Variants in ATRNL1 observed in about 807,000 individuals in gnomAD.
ATRNL1 encodes the protein attractin like 1.
In ATRNL1, 95 loss-of-function variants were observed where a neutral mutation model predicts 182.7. The ratio of observed to expected loss-of-function variants is 0.52; its 90% CI spans 0.44 to 0.62. ATRNL1 has a LOEUF of 0.62. ATRNL1 is among the 20% of genes least tolerant of loss of function. The probability of loss-of-function intolerance (pLI) is 0.00; values close to 1 mark genes in which losing one functional copy is unlikely to be tolerated. For missense variants in ATRNL1, 1,471 were observed against 1,679.5 expected (o/e 0.88, Z 2.17); for synonymous variants, 576 against 568.3 (o/e 1.01, Z -0.19).
intron 19 of ATRNL1, among the ~76,000 whole-genome samples, chr10:115,382,512 CTT>C (rs1353995489): frequency 2.7e-4 from 41 of 151,768 alleles, no homozygotes; most frequent in African/African-American, 8.9e-4. Context: ...GCACAATAGA[CTT>C]TTATACATTG....
At chr10:115,696,663 G>A (rs1555049860) in intron 26 of ATRNL1, among the ~76,000 whole-genome samples, 1 of 152,050 alleles carries the variant, frequency 6.6e-6, no homozygotes, top group East Asian at 1.9e-4. Context: ...CCACAACCTT[G>A]CTAGCATCTG....
chr10:115,521,664 A>G (rs917458649), intron 25 of ATRNL1, among the ~76,000 whole-genome samples: 1 of 152,192 alleles, frequency 6.6e-6, no homozygotes, highest in Non-Finnish European at 1.5e-5. Flanking sequence ...TGTCTTAGAG[A>G]TGATCCTATT....
intron 5 of ATRNL1, among the ~76,000 whole-genome samples, chr10:115,133,525 C>A (rs1363667698): frequency 6.6e-6 from 1 of 152,118 alleles, no homozygotes; most frequent in African/African-American, 2.4e-5. Flanking sequence ...GCACCCAATA[C>A]AGGAGCACCC....
At chr10:115,550,406 A>G (rs1384564742) in intron 26 of ATRNL1, among the ~76,000 whole-genome samples, 1 of 151,900 alleles carries the variant, frequency 6.6e-6, no homozygotes, top group African/African-American at 2.4e-5. Context: ...TAATATTTAA[A>G]GACATGTAAA....
At chr10:115,131,948 T>C (rs1310619807) in intron 5 of ATRNL1, among the ~76,000 whole-genome samples, 1 of 152,206 alleles carries the variant, frequency 6.6e-6, no homozygotes, top group East Asian at 1.9e-4. Context: ...TTTTTTATTA[T>C]ACTTTAAGTT....
intron 26 of ATRNL1, among the ~76,000 whole-genome samples, chr10:115,685,158 G>A (rs1457029400): frequency 6.6e-6 from 1 of 151,684 alleles, no homozygotes; most frequent in Non-Finnish European, 1.5e-5. Flanking sequence ...TGGTCTAATT[G>A]TGTTGTGATT....
chr10:115,245,615 G>T (rs1850603372), intron 10 of ATRNL1, among the ~76,000 whole-genome samples: 2 of 151,732 alleles, frequency 1.3e-5, no homozygotes, highest in Admixed American at 1.3e-4. Context: ...GATATAGTTT[G>T]GTAAGGCATA....
intron 27 of ATRNL1, among the ~76,000 whole-genome samples, chr10:115,787,084 A>G (rs1949415014): frequency 6.6e-6 from 1 of 152,206 alleles, no homozygotes; most frequent in African/African-American, 2.4e-5. Flanking sequence ...GTGAATTGAT[A>G]TTTAATACAT....
At chr10:115,136,027 T>C (rs568280560) in intron 5 of ATRNL1, among the ~76,000 whole-genome samples, 38 of 137,264 alleles carry the variant, frequency 2.8e-4, no homozygotes, top group African/African-American at 7.0e-4. Flanking sequence ...TCCCAGCTAA[T>C]TAAATTGTTT....
intron 10 of ATRNL1, among the ~76,000 whole-genome samples, chr10:115,244,292 G>A (rs1850538772): frequency 6.6e-6 from 1 of 152,058 alleles, no homozygotes; most frequent in African/African-American, 2.4e-5. Context: ...TACTCTCACA[G>A]TAAATTTTAT....
At chr10:115,699,754 GTGACTGAGGTTTGGGATACCAT>G (rs1946674151) in intron 26 of ATRNL1, among the ~76,000 whole-genome samples, 1 of 152,000 alleles carries the variant, frequency 6.6e-6, no homozygotes, top group Non-Finnish European at 1.5e-5. Context: ...GGTACATTAC[GTGACTGAGGTTTGGGATACCAT>G]TGACCCCGTC....
chr10:115,809,085 C>A (rs1246306720), intron 27 of ATRNL1, among the ~76,000 whole-genome samples: 1 of 151,984 alleles, frequency 6.6e-6, no homozygotes, highest in African/African-American at 2.4e-5. Flanking sequence ...ATTGTTCCAG[C>A]ATTTATTTTG....
intron 3 of ATRNL1, among the ~76,000 whole-genome samples, chr10:115,127,205 A>G (rs1343797964): frequency 9.9e-5 from 15 of 152,144 alleles, no homozygotes; most frequent in African/African-American, 3.6e-4. Flanking sequence ...AACCAATCAG[A>G]ATGAGTAAAG....
At chr10:115,205,476 ATATACT>A (rs782525420) in intron 8 of ATRNL1, among the ~76,000 whole-genome samples, 15 of 151,648 alleles carry the variant, frequency 9.9e-5, no homozygotes, top group Non-Finnish European at 1.8e-4. Flanking sequence ...GTAATTGTTG[ATATACT>A]TAAACTTAGG....
intron 3 of ATRNL1, among the ~76,000 whole-genome samples, chr10:115,125,288 G>A (rs1844917047): frequency 6.6e-6 from 1 of 152,176 alleles, no homozygotes; most frequent in Admixed American, 6.5e-5. Flanking sequence ...TACAAATGCA[G>A]AATTGAGACA....
At chr10:115,297,916 AAAT>A (rs1554923245) in intron 15 of ATRNL1, among the ~76,000 whole-genome samples, 1 of 152,098 alleles carries the variant, frequency 6.6e-6, no homozygotes, top group African/African-American at 2.4e-5. Flanking sequence ...TCCCTATTAT[AAAT>A]AATAATGATT....
At chr10:115,178,143 C>G (rs570633202) in intron 8 of ATRNL1, among the ~76,000 whole-genome samples, 2 of 151,668 alleles carry the variant, frequency 1.3e-5, no homozygotes, top group Non-Finnish European at 2.9e-5. Context: ...CTCCTGAGCT[C>G]GAGTGATCTG....
At chr10:115,137,682 G>A (rs1174261404) in intron 5 of ATRNL1, among the ~76,000 whole-genome samples, 3 of 152,124 alleles carry the variant, frequency 2.0e-5, no homozygotes, top group African/African-American at 7.2e-5. Flanking sequence ...CTGCCCCCAT[G>A]ATTCAGTTAC....
chr10:115,341,763 G>A (rs568321490), intron 19 of ATRNL1, among the ~76,000 whole-genome samples: 3 of 152,084 alleles, frequency 2.0e-5, no homozygotes, highest in South Asian at 2.1e-4. Context: ...TATCATTATA[G>A]AGTGACCTTC....
Sources: gnomAD v4.1 joint callset for allele counts (sites outside exome capture counted in the v4.1 genomes callset) on GRCh38, gnomAD v4.1.1 for gene constraint, MANE v1.5 for transcripts, NCBI Gene and HGNC (gene_info 2026-07-23, HGNC 2026-07-21) for gene names.